Variants in ANKRD44 observed in about 807,000 individuals in gnomAD.
ANKRD44 encodes ankyrin repeat domain 44, also known as serine/threonine-protein phosphatase 6 regulatory ankyrin repeat subunit B.
A neutral mutation model predicts 116.0 loss-of-function variants in ANKRD44; 35 were observed. The observed-to-expected ratio is 0.30, with a 90% CI of 0.23 to 0.40. The LOEUF (loss-of-function observed/expected upper bound fraction) is 0.40, where lower values mean the gene tolerates loss of function less well. Among genes scored for constraint, ANKRD44 ranks in the 10% least tolerant of loss-of-function variants. ANKRD44 has a pLI of 1.00. For missense variants in ANKRD44, 1,014 were observed against 1,242.6 expected (o/e 0.82, Z 2.77); for synonymous variants, 435 against 461.8 (o/e 0.94, Z 0.74).
At chr2:197,014,230 C>T (rs2076347591) in intron 17 of ANKRD44, among the ~76,000 whole-genome samples, 1 of 152,116 alleles carries the variant, frequency 6.6e-6, no homozygotes, top group South Asian at 2.1e-4. Flanking sequence ...AACTGTGTGA[C>T]CTTAGGTGAG....
intron 1 of ANKRD44, among the ~76,000 whole-genome samples, chr2:197,231,681 A>G (rs1016276515): frequency 6.6e-6 from 1 of 151,792 alleles, no homozygotes; most frequent in African/African-American, 2.4e-5. Context: ...TAAGCATCCT[A>G]TGATGCACAG....
chr2:197,020,959 C>T (rs2076487294), intron 17 of ANKRD44, among the ~76,000 whole-genome samples: 1 of 152,094 alleles, frequency 6.6e-6, no homozygotes, highest in African/African-American at 2.4e-5. Flanking sequence ...TCCCCCCATC[C>T]CACGACAGGC....
chr2:197,122,493 C>G (rs550062467), intron 7 of ANKRD44, among the ~76,000 whole-genome samples, 157 bp downstream of exon 7: 1 of 152,196 alleles, frequency 6.6e-6, no homozygotes, highest in African/African-American at 2.4e-5. Flanking sequence ...TATGCCCCCA[C>G]TGCCCTTCAT....
chr2:197,067,705 G>A (rs2077464422), intron 16 of ANKRD44, among the ~76,000 whole-genome samples: 1 of 113,428 alleles, frequency 8.8e-6, no homozygotes, highest in Non-Finnish European at 1.8e-5. Context: ...AAAAAGTCAG[G>A]AAACAACAGG....
chr2:197,055,553 CT>C (rs763964237), intron 16 of ANKRD44, among the ~76,000 whole-genome samples: 268 of 152,304 alleles, frequency 1.8e-3, no homozygotes, highest in Middle Eastern at 3.4e-3. Context: ...ACGCTTACTT[CT>C]AAAAACATTA....
chr2:197,123,100 A>C (rs554672912), intron 6 of ANKRD44, among the ~76,000 whole-genome samples: 2 of 152,338 alleles, frequency 1.3e-5, no homozygotes, highest in East Asian at 3.9e-4. Flanking sequence ...ATTAGTAGAG[A>C]GCCTTTAAAA....
rs1400804112 is a variant in ANKRD44 at position 197,212,589 on chromosome 2, A to T, written c.28-25483T>A. 6.6e-6 allele frequency among the ~76,000 whole-genome samples: 1 copy of T among 152,214 alleles called. No individual in the cohort carries two copies. Among genetic ancestry groups the T allele is most frequent in the Non-Finnish European group, 1.5e-5 (1 of 68,030 alleles). On this transcript the variant is annotated intron_variant, in intron 1 of 27. Transcript: ENST00000282272. This position sits in a 1 kb window ranked among gnomAD's most constrained non-coding sequence, Gnocchi z 4.8. ...TGATTCATTCACATTCATTCAAAAT[A>T]ACACATTTGTTCACCCTGCCTCTTC...
chr2:197,154,381 A>T (rs2712876), intron 2 of ANKRD44, among the ~76,000 whole-genome samples: 119,806 of 137,198 alleles, frequency 0.87, 52,968 homozygotes, highest in East Asian at 0.97. Context: ...GGGTTTCACC[A>T]TGTTAGCCAG....
At chr2:197,092,711 C>G (rs62279207) in intron 10 of ANKRD44, among the ~76,000 whole-genome samples, 1 of 151,990 alleles carries the variant, frequency 6.6e-6, no homozygotes, top group South Asian at 2.1e-4. Flanking sequence ...TCATCATTTA[C>G]CAAAAAAAAA....
intron 16 of ANKRD44, 167 bp downstream of exon 16, chr2:197,078,536 G>A (rs980275726): frequency 1.2e-5 from 18 of 1,470,518 alleles, no homozygotes; most frequent in Non-Finnish European, 1.5e-5. Context: ...GCAGCATGGT[G>A]CAGTAGAAAA....
At chr2:197,305,340 T>C (rs1160826960) in intron 1 of ANKRD44, among the ~76,000 whole-genome samples, 1 of 152,214 alleles carries the variant, frequency 6.6e-6, no homozygotes, top group East Asian at 1.9e-4. Context: ...TGAGCTTCAA[T>C]ATGAAATTTC....
At chr2:197,149,518 T>C (rs563601520) in intron 2 of ANKRD44, among the ~76,000 whole-genome samples, 118 of 152,360 alleles carry the variant, frequency 7.7e-4, no homozygotes, top group Admixed American at 2.1e-3. Flanking sequence ...TAAAGGTTTC[T>C]GGTAGTTTCC....
At chr2:197,196,644 C>G (rs778613652) in intron 1 of ANKRD44, among the ~76,000 whole-genome samples, 3 of 152,204 alleles carry the variant, frequency 2.0e-5, no homozygotes, top group Non-Finnish European at 2.9e-5. Flanking sequence ...GCTGGAACTA[C>G]TGTATACAAG....
intron 16 of ANKRD44, among the ~76,000 whole-genome samples, chr2:197,076,406 C>G (rs2077666809): frequency 6.6e-6 from 1 of 152,084 alleles, no homozygotes; most frequent in Non-Finnish European, 1.5e-5. Context: ...GTTTTAAAGA[C>G]TGTTAAGATA....
At chr2:197,120,280 A>G (rs1008708137) in intron 8 of ANKRD44, among the ~76,000 whole-genome samples, 3 of 152,126 alleles carry the variant, frequency 2.0e-5, no homozygotes, top group African/African-American at 7.2e-5. Flanking sequence ...GTCCTTAGTA[A>G]ATTTGCTGAA....
chr2:196,987,036 T>C lies in ANKRD44; in HGVS notation c.*2555A>G, dbSNP rs1033162965. The C allele has an allele frequency of 2.0e-6, 2 of 985,274 alleles. No homozygotes were observed. Among genetic ancestry groups the C allele is most frequent in the Non-Finnish European group, 2.4e-6 (2 of 829,746 alleles). 61.0% of individuals were successfully genotyped at this position (985,274 alleles called of 1,614,324 possible). On this transcript the variant is annotated 3_prime_UTR_variant, in exon 28 of 28. Transcript: ENST00000282272. ...AAGATATATTGCACATGCTAGAGCA[T>C]AAAATATGTAGACAAAACTACCAAA...
chr2:197,176,805 A>G (rs2080374963), intron 2 of ANKRD44, among the ~76,000 whole-genome samples: 1 of 152,270 alleles, frequency 6.6e-6, no homozygotes, highest in East Asian at 1.9e-4. Flanking sequence ...GGGTATAACC[A>G]GCTATGCAAC....
intron 9 of ANKRD44, among the ~76,000 whole-genome samples, chr2:197,104,618 C>G (rs1219805175): frequency 6.6e-6 from 1 of 152,184 alleles, no homozygotes; most frequent in African/African-American, 2.4e-5. Context: ...AGGACACTGT[C>G]CCTTGTAATA....
At chr2:197,137,710 C>G (rs1361130340) in intron 3 of ANKRD44, among the ~76,000 whole-genome samples, 1 of 152,194 alleles carries the variant, frequency 6.6e-6, no homozygotes, top group Non-Finnish European at 1.5e-5. Flanking sequence ...TGCCTCCCAT[C>G]CAACCTCCAC....
Sources: allele counts gnomAD v4.1 joint callset (sites outside exome capture counted in the v4.1 genomes callset), GRCh38; gene constraint gnomAD v4.1.1; non-coding constraint Gnocchi (gnomAD v3.1); transcripts MANE v1.5; gene names NCBI Gene and HGNC (gene_info 2026-07-23, HGNC 2026-07-21).